The following MICAL3 variants were observed in gnomAD, a reference collection of about 807,000 sequenced individuals.
MICAL3 encodes the protein [F-actin]-monooxygenase MICAL3.
A neutral mutation model predicts 207.4 loss-of-function variants in MICAL3; 62 were observed. That is an observed-to-expected ratio of 0.30 (90% CI 0.24 to 0.37). The LOEUF is 0.37. Among genes scored for constraint, MICAL3 ranks in the 10% least tolerant of loss-of-function variants. MICAL3 has a pLI of 1.00. For missense variants in MICAL3, 2,368 were observed against 2,635.6 expected, an observed-to-expected ratio of 0.90 and a Z score of 2.22; for synonymous variants, 1,077 against 1,069.3, an observed-to-expected ratio of 1.01 and a Z score of -0.14.
chr22:17,827,803 G>A (rs1229981247), intron 21 of MICAL3, 22 bp from the exon 22 acceptor site: 2 of 1,533,128 alleles, frequency 1.3e-6, no homozygotes, highest in East Asian at 4.9e-5. Flanking sequence ...GGGTCAAGGG[G>A]TGGAGAAATG....
chr22:17,970,493 G>C lies in MICAL3; in HGVS notation c.-75+53788C>G, dbSNP rs147040385. Among the ~76,000 whole-genome samples the C allele has an allele frequency of 5.3e-5, 8 of 152,340 alleles. 1 individual carries two copies. In the East Asian group the frequency reaches 1.3e-3, roughly 26 times the overall value. On this transcript the variant is annotated intron_variant, in intron 1 of 31. Transcript: ENST00000441493. ...GAACTCTGCAGTCACGGCTGTGACC[G>C]ACTCACTATGTGGCAGATGGGCTTC...
chr22:18,008,657 A>G (rs1216442232), intron 1 of MICAL3, among the ~76,000 whole-genome samples: 1 of 152,264 alleles, frequency 6.6e-6, no homozygotes, highest in Non-Finnish European at 1.5e-5. Context: ...GCTCGAAGAC[A>G]TCATTCTAGG....
chr22:17,858,090 G>A (rs1218605837), intron 19 of MICAL3, among the ~76,000 whole-genome samples: 1 of 152,248 alleles, frequency 6.6e-6, no homozygotes. Flanking sequence ...GTAGAACCCG[G>A]AAGTAATTGA....
chr22:17,852,214 A>G (rs1473538251), intron 19 of MICAL3, among the ~76,000 whole-genome samples: 2 of 152,194 alleles, frequency 1.3e-5, no homozygotes, highest in African/African-American at 4.8e-5. Flanking sequence ...AAAATCACAT[A>G]TACATACTCC....
chr22:17,864,289 A>G (rs1926824110), intron 19 of MICAL3: 2 of 1,076,368 alleles, frequency 1.9e-6, no homozygotes, highest in Non-Finnish European at 2.3e-6. Context: ...CCTCATGACA[A>G]GCCCAGTGGC....
At chr22:17,918,163 T>C (rs183411600) in intron 1 of MICAL3, among the ~76,000 whole-genome samples, 1 of 152,300 alleles carries the variant, frequency 6.6e-6, no homozygotes, top group Non-Finnish European at 1.5e-5. Context: ...CGTAAACATT[T>C]TGGTCTCAGG....
At chr22:17,996,702 CAG>C (rs1922320323) in intron 1 of MICAL3, among the ~76,000 whole-genome samples, 1 of 152,146 alleles carries the variant, frequency 6.6e-6, no homozygotes, top group African/African-American at 2.4e-5. Flanking sequence ...CCAAAGATGA[CAG>C]AGTGCGTGGC....
intron 20 of MICAL3, chr22:17,834,592 C>A: frequency 8.9e-7 from 1 of 1,121,548 alleles, no homozygotes; most frequent in Non-Finnish European, 1.1e-6. Context: ...ATAACAAAAG[C>A]TCCTTATTCT....
At chr22:17,817,166 G>T in intron 26 of MICAL3, 145 bp downstream of exon 26, 1 of 1,010,642 alleles carries the variant, frequency 9.9e-7, no homozygotes, top group Non-Finnish European at 1.4e-6. Context: ...GTGAACCCAT[G>T]GTTCAGTCCC....
Position 17,793,155 on chromosome 22 carries a change from C to T in MICAL3, c.5651-1854G>A, listed in dbSNP as rs577635496. On this transcript the variant is annotated intron_variant, in intron 29 of 31. Transcript: ENST00000441493. The surrounding 1 kb of genome is among the most constrained non-coding windows in gnomAD (Gnocchi z 4.1). ...GCGAGAGTCGGGTGAGCGCTGTGGA[C>T]GGCAGGTAAGAGTTAGCAGGGTTAG... is the stretch of plus-strand genomic sequence containing the variant. 5.6e-4 allele frequency among the ~76,000 whole-genome samples: 86 copies of T among 152,310 alleles called. No homozygotes were observed. Among genetic ancestry groups the T allele is most frequent in the African/African-American group, 1.5e-3 (63 of 41,560 alleles).
chr22:17,840,823 G>A (rs539808488), intron 20 of MICAL3: 1 of 152,432 alleles, frequency 6.6e-6, no homozygotes, highest in South Asian at 2.1e-4. Flanking sequence ...CACCATCAGT[G>A]ACAGCTTTGG....
intron 1 of MICAL3, among the ~76,000 whole-genome samples, chr22:17,973,822 G>A (rs1392182756): frequency 6.6e-6 from 1 of 152,154 alleles, no homozygotes; most frequent in Non-Finnish European, 1.5e-5. Flanking sequence ...TGGGGAGGCT[G>A]AGGTGGGAGG....
At chr22:17,975,361 G>A (rs1175735339) in intron 1 of MICAL3, among the ~76,000 whole-genome samples, 6 of 151,840 alleles carry the variant, frequency 4.0e-5, no homozygotes, top group South Asian at 4.2e-4. Flanking sequence ...TGAAAAGCCC[G>A]CAAATTTAAA....
intron 1 of MICAL3, among the ~76,000 whole-genome samples, chr22:17,932,267 A>G (rs1042214215): frequency 6.6e-6 from 1 of 152,236 alleles, no homozygotes; most frequent in Non-Finnish European, 1.5e-5. Flanking sequence ...CCATCAGACT[A>G]ACGCGGATCT....
chr22:17,956,497 C>T (rs566987535), intron 1 of MICAL3, among the ~76,000 whole-genome samples: 1 of 152,266 alleles, frequency 6.6e-6, no homozygotes, highest in Admixed American at 6.5e-5. Context: ...TGGAGAAACC[C>T]CGTCTCTACT....
Position 17,810,716 on chromosome 22 carries a change from A to T in MICAL3, c.5543T>A (p.Leu1848Gln), listed in dbSNP as rs1333182651. Residue 1848 changes from leucine to glutamine, a missense_variant, in exon 28 of 32, where the codon CTG (leucine) becomes CAG (glutamine). By Grantham distance (113) the Leu-to-Gln change is moderately radical (BLOSUM62 -2). This residue lies in a region of MICAL3 where 1,770 missense variants were observed against 1,863.2 expected (regional missense o/e 0.95). Transcript: ENST00000441493. The part of the protein sequence containing the change: ...RQAKQEELKR[L>Q]HRAQIIQRQL... ...CCATGGTTTTACCTGGGCTCGATGC[A>T]GCCGCTTAAGCTCCTCCTGCTTGGC... 2 of 1,613,938 alleles carry T rather than the reference A, an allele frequency of 1.2e-6. No individual in the cohort carries two copies.
chr22:17,897,167 A>C (rs953209813), intron 7 of MICAL3, among the ~76,000 whole-genome samples, 186 bp from the exon 8 acceptor site: 2 of 152,144 alleles, frequency 1.3e-5, no homozygotes, highest in African/African-American at 2.4e-5. Flanking sequence ...CCACACCTGT[A>C]ATCCCAGCAC....
rs147814751 is a variant in MICAL3, at chr22:17,836,836, G to A, written c.2802-4729C>T. On this transcript the variant is annotated intron_variant, in intron 20 of 31. Transcript: ENST00000441493. ...TTTTTTGTACTTTTTTAGTAGAGAC[G>A]GGGTTTCACCATGTTAGCCAGGATG... 8.2e-3 allele frequency among the ~76,000 whole-genome samples: 1,250 copies of A among 152,120 alleles called. 14 individuals are homozygous for A. Among genetic ancestry groups the A allele is most frequent in the African/African-American group, 0.029 (1,192 of 41,502 alleles).
intron 1 of MICAL3, among the ~76,000 whole-genome samples, chr22:17,934,083 A>G (rs947973991): frequency 6.6e-6 from 1 of 152,246 alleles, no homozygotes; most frequent in Non-Finnish European, 1.5e-5. Context: ...AAACTATTCC[A>G]ATCAACAGAA....
Sources: allele counts gnomAD v4.1 joint callset (sites outside exome capture counted in the v4.1 genomes callset), GRCh38; gene constraint gnomAD v4.1.1; regional missense constraint gnomAD v4.1.1; non-coding constraint Gnocchi (gnomAD v3.1); transcripts MANE v1.5; gene names NCBI Gene and HGNC (gene_info 2026-07-23, HGNC 2026-07-21).